CMIP: variants seen among roughly 807,000 people sequenced by gnomAD.
CMIP encodes c-Maf inducing protein.
A neutral mutation model predicts 97.3 loss-of-function variants in CMIP; 13 were observed. The observed-to-expected ratio is 0.13, with a 90% CI of 0.09 to 0.21. The LOEUF is 0.21. CMIP is among the 10% of genes least tolerant of loss of function. CMIP has a pLI of 1.00. For synonymous variants in CMIP, 538 were observed against 436.3 expected, an observed-to-expected ratio of 1.23 and a Z score of -2.91; for missense variants, 847 against 1,024.9, an observed-to-expected ratio of 0.83 and a Z score of 2.37.
chr16:81,575,711 C>T (rs565779347), intron 1 of CMIP, among the ~76,000 whole-genome samples: 1 of 152,242 alleles, frequency 6.6e-6, no homozygotes, highest in East Asian at 1.9e-4. Context: ...GTAAACGTTG[C>T]GTGTTTGGGA....
intron 2 of CMIP, 23 bp from the exon 3 acceptor site, chr16:81,620,853 C>T (rs1261864793): frequency 1.9e-6 from 3 of 1,613,832 alleles, no homozygotes; most frequent in Admixed American, 1.7e-5. Flanking sequence ...CCGGACCTTG[C>T]TGTCCTGTTC....
At chr16:81,701,019 A>G (rs1907338768) in intron 15 of CMIP, among the ~76,000 whole-genome samples, 2 of 151,968 alleles carry the variant, frequency 1.3e-5, no homozygotes, top group African/African-American at 2.4e-5. Context: ...GCACCATGGC[A>G]TGCACCTGTA....
At chr16:81,587,647 A>G (rs1384603164) in intron 1 of CMIP, among the ~76,000 whole-genome samples, 1 of 152,190 alleles carries the variant, frequency 6.6e-6, no homozygotes, top group Non-Finnish European at 1.5e-5. Flanking sequence ...ACAGCGCTGG[A>G]GTGGGAATCT....
chr16:81,505,974 G>A (rs59803316), intron 1 of CMIP, among the ~76,000 whole-genome samples: 24,692 of 152,206 alleles, frequency 0.16, 2,919 homozygotes, highest in African/African-American at 0.34. Context: ...CAGCCTGGGC[G>A]ACAAGAGCAA....
At chr16:81,656,534 G>T (rs1487703780) in intron 4 of CMIP, among the ~76,000 whole-genome samples, 1 of 152,236 alleles carries the variant, frequency 6.6e-6, no homozygotes, top group Non-Finnish European at 1.5e-5. Context: ...GAGTTTTCCT[G>T]TGATTCCTTG....
intron 1 of CMIP, among the ~76,000 whole-genome samples, chr16:81,576,620 C>A (rs938236463): frequency 3.3e-5 from 5 of 152,152 alleles, no homozygotes; most frequent in Non-Finnish European, 5.9e-5. Context: ...AGAGCCAGGA[C>A]TTGAATGTCA....
chr16:81,525,571 G>A (rs1429735439), intron 1 of CMIP, among the ~76,000 whole-genome samples: 2 of 151,990 alleles, frequency 1.3e-5, no homozygotes, highest in African/African-American at 4.8e-5. Context: ...AGGAACTCCT[G>A]GGCTCAAATG....
intron 1 of CMIP, among the ~76,000 whole-genome samples, chr16:81,505,629 A>T (rs994974468): frequency 1.3e-5 from 2 of 152,226 alleles, no homozygotes; most frequent in African/African-American, 4.8e-5. Context: ...AACTTTGGCC[A>T]AGATCATTTC....
chr16:81,603,652 G>A (rs1281722243), intron 1 of CMIP, among the ~76,000 whole-genome samples: 2 of 152,116 alleles, frequency 1.3e-5, no homozygotes, highest in East Asian at 1.9e-4. Context: ...CTGTAGTCAC[G>A]TCTCCCAAAA....
chr16:81,601,628 C>T (rs2091659026), intron 1 of CMIP, among the ~76,000 whole-genome samples: 1 of 152,170 alleles, frequency 6.6e-6, no homozygotes, highest in Admixed American at 6.5e-5. Context: ...AGTATCTCTT[C>T]CTGGTCTGGC....
chr16:81,459,823 G>C (rs1906795352), intron 1 of CMIP, among the ~76,000 whole-genome samples: 1 of 152,208 alleles, frequency 6.6e-6, no homozygotes, highest in African/African-American at 2.4e-5. Context: ...AGCCCAGGAG[G>C]CTGCTGCTTC....
intron 10 of CMIP, among the ~76,000 whole-genome samples, chr16:81,684,355 C>A (rs1269354481): frequency 6.6e-6 from 1 of 152,264 alleles, no homozygotes; most frequent in Non-Finnish European, 1.5e-5. Flanking sequence ...TGTGCCCCCA[C>A]AGGGGCCTTC....
intron 18 of CMIP, among the ~76,000 whole-genome samples, chr16:81,705,163 C>T (rs1907987713): frequency 6.6e-6 from 1 of 152,192 alleles, no homozygotes; most frequent in Non-Finnish European, 1.5e-5. Context: ...CCAGCCCTGT[C>T]CTTCCACTGT....
intron 1 of CMIP, among the ~76,000 whole-genome samples, chr16:81,447,146 A>G (rs987836384): frequency 6.6e-6 from 1 of 151,784 alleles, no homozygotes; most frequent in African/African-American, 2.4e-5. Flanking sequence ...TGTGGGGAGG[A>G]ACTGGTGACC....
chr16:81,509,763 C>T (rs1297926069), intron 1 of CMIP, among the ~76,000 whole-genome samples: 1 of 152,204 alleles, frequency 6.6e-6, no homozygotes, highest in Admixed American at 6.5e-5. Context: ...GCCCCAGCTG[C>T]ACATCCTTGG....
intron 1 of CMIP, among the ~76,000 whole-genome samples, chr16:81,513,240 C>G (rs1198398341): frequency 1.3e-5 from 2 of 152,240 alleles, no homozygotes; most frequent in African/African-American, 4.8e-5. Flanking sequence ...GCATCCGTTG[C>G]TGCTCACCAG....
intron 9 of CMIP, among the ~76,000 whole-genome samples, chr16:81,676,100 C>A (rs1004812439): frequency 2.0e-5 from 3 of 152,118 alleles, no homozygotes; most frequent in African/African-American, 7.2e-5. Context: ...CCCTGGGGAA[C>A]GGTTAGGTGG....
intron 10 of CMIP, among the ~76,000 whole-genome samples, chr16:81,683,735 A>G (rs991737741): frequency 9.9e-6 from 1 of 101,390 alleles, no homozygotes; most frequent in Non-Finnish European, 2.1e-5. Context: ...TCTTTCTTAT[A>G]TGTGTTTATT....
At chr16:81,571,090 G>T (rs2091078828) in intron 1 of CMIP, among the ~76,000 whole-genome samples, 1 of 152,176 alleles carries the variant, frequency 6.6e-6, no homozygotes, top group African/African-American at 2.4e-5. Context: ...GGAAAATGAG[G>T]TGTGGGTATG....
Sources: gnomAD v4.1 joint callset for allele counts (sites outside exome capture counted in the v4.1 genomes callset) on GRCh38, gnomAD v4.1.1 for gene constraint, MANE v1.5 for transcripts, NCBI Gene and HGNC (gene_info 2026-07-23, HGNC 2026-07-21) for gene names.